Variants in RXRA observed in about 807,000 individuals in gnomAD.
RXRA encodes the protein retinoid X receptor alpha, also known as retinoic acid receptor RXR-alpha.
RXRA carries 5 observed loss-of-function variants against 44.5 expected under a neutral mutation model. The observed-to-expected ratio is 0.11, with a 90% CI of 0.06 to 0.24. The LOEUF is 0.24. Among genes scored for constraint, RXRA ranks in the 10% least tolerant of loss-of-function variants. RXRA has a pLI of 1.00. For synonymous variants in RXRA, 291 were observed against 271.4 expected (o/e 1.07, Z -0.71); for missense variants, 412 against 646.5 (o/e 0.64, Z 3.93).
At chr9:134,414,316 C>A (rs1323025333) in intron 4 of RXRA, among the ~76,000 whole-genome samples, 1 of 152,256 alleles carries the variant, frequency 6.6e-6, no homozygotes, top group African/African-American at 2.4e-5. Flanking sequence ...CTGGGGCTCC[C>A]CATGCCCTGG....
chr9:134,402,711 G>A (rs927915487), intron 2 of RXRA: 1 of 152,178 alleles, frequency 6.6e-6, no homozygotes, highest in Non-Finnish European at 1.5e-5. Context: ...CTCGTCCCCT[G>A]GCTCCCGGTG....
chr9:134,377,479 C>T (rs958467957), intron 1 of RXRA, among the ~76,000 whole-genome samples: 7 of 152,192 alleles, frequency 4.6e-5, no homozygotes, highest in Non-Finnish European at 1.5e-5. Context: ...GCTGGCATCA[C>T]CGCTCGGGAA....
intron 1 of RXRA, among the ~76,000 whole-genome samples, chr9:134,331,807 C>T (rs1835010656): frequency 1.3e-5 from 2 of 152,222 alleles, no homozygotes; most frequent in Non-Finnish European, 2.9e-5. Context: ...TGGCGGGGGC[C>T]GCCTTGAGCT....
Position 134,417,873 on chromosome 9 carries a change from C to T in RXRA, c.780+546C>T, listed in dbSNP as rs1244690653. ...CCAGCTGGTCACCCCCATGCTGACC[C>T]TCCTGCCCCCTCCCACCCCAACAGC... On this transcript the variant is annotated intron_variant, in intron 5 of 9. Transcript: ENST00000481739. This position sits in a 1 kb window ranked among gnomAD's most constrained non-coding sequence, Gnocchi z 6.1. 6.6e-6 allele frequency among the ~76,000 whole-genome samples: 1 copy of T among 152,096 alleles called. No individual in the cohort carries two copies. The highest frequency in any genetic ancestry group is 1.5e-5 in the Non-Finnish European group (1 of 67,992).
chr9:134,335,478 G>A (rs193122010), intron 1 of RXRA, among the ~76,000 whole-genome samples: 3 of 152,328 alleles, frequency 2.0e-5, no homozygotes, highest in Non-Finnish European at 2.9e-5. Context: ...AGGGATGCCC[G>A]TGCGGGCGTA....
chr9:134,335,448 T>A (rs1008394515), intron 1 of RXRA, among the ~76,000 whole-genome samples: 1 of 152,130 alleles, frequency 6.6e-6, no homozygotes, highest in Non-Finnish European at 1.5e-5. Context: ...GGGATCTGGT[T>A]CTAGCCAAGG....
rs1394923619 is a variant in RXRA, at chr9:134,426,180, G to A, written c.911-2928G>A. 4.3e-5 allele frequency: 42 copies of A among 985,442 alleles called. 1 individual carries two copies. In the South Asian group the frequency reaches 2.0e-3, roughly 46 times the overall value. The allele number at this position is 985,442 out of a possible 1,614,324, so 61.0% of individuals were successfully genotyped here. ...CTTTGTCCTGCGCTTGGAGCCTGGA[G>A]TAAGACCTGGTATCCTCTGCATCAC... On this transcript the variant is annotated intron_variant, in intron 6 of 9. Coordinates refer to ENST00000481739, the MANE Select transcript of RXRA (RefSeq NM_002957.6). This position sits in a 1 kb window ranked among gnomAD's most constrained non-coding sequence, Gnocchi z 4.6.
At chr9:134,332,636 C>T (rs969605789) in intron 1 of RXRA, among the ~76,000 whole-genome samples, 3 of 152,026 alleles carry the variant, frequency 2.0e-5, no homozygotes, top group African/African-American at 4.8e-5. Context: ...AGGGGGTTCA[C>T]GTGTGAGGTG....
chr9:134,349,217 C>T lies in RXRA; in HGVS notation c.28+22558C>T, dbSNP rs1000553260. On this transcript the variant is annotated intron_variant, in intron 1 of 9. Coordinates refer to ENST00000481739, the MANE Select transcript of RXRA (RefSeq NM_002957.6). This position sits in a 1 kb window ranked among gnomAD's most constrained non-coding sequence, Gnocchi z 4.3. ...CTGGCTGGGCCTGCAGACCCCAACT[C>T]CCTGCACCAGCCTGGCCCCGAGCTC... Among the ~76,000 whole-genome samples the T allele has an allele frequency of 1.3e-5, 2 of 152,210 alleles. No individual in the cohort carries two copies. Among genetic ancestry groups the T allele is most frequent in the Non-Finnish European group, 2.9e-5 (2 of 68,046 alleles).
chr9:134,417,195 C>G lies in RXRA; in HGVS notation c.648C>G (p.Asn216Lys), dbSNP rs146295223. 1 of 1,613,184 alleles carries G rather than the reference C, an allele frequency of 6.2e-7. No homozygotes were observed. The highest frequency in any genetic ancestry group is 8.5e-7 in the Non-Finnish European group (1 of 1,179,940). ...AGCGGCAGCGTGGCAAGGACCGGAA[C>G]GAGAATGAGGTGGAGTCGACCAGCA... Reference protein sequence around the residue: ...QEERQRGKDRNENEVESTSSA... With the variant: ...QEERQRGKDRKENEVESTSSA... The change falls in exon 5 of 10, where the codon AAC becomes AAG. Residue 216 changes from asparagine (N) to lysine (K), a missense_variant. By Grantham distance (94) the Asn-to-Lys change is moderately conservative. This residue lies in a region of RXRA where 67 missense variants were observed against 78.7 expected (regional missense o/e 0.85). Transcript: ENST00000481739. This position sits in a 1 kb window ranked among gnomAD's most constrained non-coding sequence, Gnocchi z 6.1.
At chr9:134,385,507 C>T (rs1830706084) in intron 1 of RXRA, among the ~76,000 whole-genome samples, 1 of 152,242 alleles carries the variant, frequency 6.6e-6, no homozygotes, top group Non-Finnish European at 1.5e-5. Flanking sequence ...CCACTCGGGC[C>T]TCTGCGTCCC....
intron 1 of RXRA, among the ~76,000 whole-genome samples, chr9:134,373,473 C>T (rs140981250): frequency 3.3e-4 from 50 of 152,384 alleles, no homozygotes; most frequent in African/African-American, 1.1e-3. Flanking sequence ...GAGAATACTG[C>T]GGCCCAGAGA....
chr9:134,336,876 G>C (rs1554747380), intron 1 of RXRA, among the ~76,000 whole-genome samples: 1 of 152,206 alleles, frequency 6.6e-6, no homozygotes, highest in South Asian at 2.1e-4. Flanking sequence ...TCTGGAGGCC[G>C]GTCCAGTTTC....
intron 1 of RXRA, among the ~76,000 whole-genome samples, chr9:134,351,771 A>T (rs1830224570): frequency 6.6e-6 from 1 of 152,280 alleles, no homozygotes; most frequent in Non-Finnish European, 1.5e-5. Context: ...GTTTTTAACC[A>T]TCAGAACGCG....
chr9:134,379,107 G>T (rs1280577636), intron 1 of RXRA, among the ~76,000 whole-genome samples: 1 of 152,262 alleles, frequency 6.6e-6, no homozygotes, highest in Admixed American at 6.5e-5. Flanking sequence ...CCAGCCTGTG[G>T]GGCCACCCGG....
intron 1 of RXRA, among the ~76,000 whole-genome samples, chr9:134,399,590 C>T (rs947684145): frequency 6.6e-6 from 1 of 152,212 alleles, no homozygotes; most frequent in Admixed American, 6.5e-5. Flanking sequence ...CCTGCCTGTC[C>T]TCCTCCCAGG....
chr9:134,393,948 C>T (rs957738278), intron 1 of RXRA, among the ~76,000 whole-genome samples: 1 of 152,006 alleles, frequency 6.6e-6, no homozygotes, highest in Non-Finnish European at 1.5e-5. Flanking sequence ...CCTTCTGCCG[C>T]TGGCCAGTCC....
intron 1 of RXRA, among the ~76,000 whole-genome samples, chr9:134,355,277 C>G (rs1564267313): frequency 6.6e-6 from 1 of 152,202 alleles, no homozygotes. Context: ...GCATGGGCAT[C>G]TCTGTGTCTC....
At chr9:134,423,111 C>T in intron 6 of RXRA, 2 of 985,484 alleles carry the variant, frequency 2.0e-6, no homozygotes. Flanking sequence ...AAGCTGGTCC[C>T]CCACCTGGAA....
Sources: gnomAD v4.1 joint callset for allele counts (sites outside exome capture counted in the v4.1 genomes callset) on GRCh38, gnomAD v4.1.1 for gene constraint, gnomAD v4.1.1 regional missense constraint, Gnocchi (gnomAD v3.1) non-coding constraint, MANE v1.5 for transcripts, NCBI Gene and HGNC (gene_info 2026-07-23, HGNC 2026-07-21) for gene names.